The following CNTNAP2 variants were observed in gnomAD, a reference collection of about 807,000 sequenced individuals.
The protein encoded by CNTNAP2 is contactin associated protein 2, also known as contactin-associated protein-like 2.
CNTNAP2 carries 98 observed loss-of-function variants against 155.2 expected under a neutral mutation model. The ratio of observed to expected loss-of-function variants is 0.63; its 90% confidence interval spans 0.54 to 0.75. CNTNAP2 has a LOEUF of 0.75. Ranked by LOEUF, CNTNAP2 falls within the 30% of genes least tolerant of loss-of-function variation. The pLI, the probability that CNTNAP2 is intolerant of heterozygous loss-of-function variation, is 0.00. For missense variants in CNTNAP2, 1,727 were observed against 1,688.1 expected (o/e 1.02, Z -0.40); for synonymous variants, 651 against 631.2 (o/e 1.03, Z -0.47).
At chr7:146,693,500 G>A (rs1800731985) in intron 1 of CNTNAP2, among the ~76,000 whole-genome samples, 1 of 151,990 alleles carries the variant, frequency 6.6e-6, no homozygotes, top group Admixed American at 6.6e-5. Context: ...GACATTAATA[G>A]TAAAATAAGC....
intron 12 of CNTNAP2, among the ~76,000 whole-genome samples, chr7:147,626,101 G>A (rs1584864171): frequency 6.6e-6 from 1 of 152,104 alleles, no homozygotes; most frequent in Admixed American, 6.6e-5. Flanking sequence ...AGTAGTCACA[G>A]TGCAAAGGAA....
chr7:146,133,789 C>T (rs1340022816), intron 1 of CNTNAP2, among the ~76,000 whole-genome samples: 1 of 152,150 alleles, frequency 6.6e-6, no homozygotes, highest in African/African-American at 2.4e-5. Context: ...GTTTTGGTAC[C>T]AGTACCATGC....
At chr7:146,771,683 A>G (rs1252059333) in intron 1 of CNTNAP2, among the ~76,000 whole-genome samples, 1 of 152,224 alleles carries the variant, frequency 6.6e-6, no homozygotes, top group Non-Finnish European at 1.5e-5. Context: ...TATTATATGA[A>G]GACGGATTTG....
chr7:146,591,003 C>T (rs1211324673), intron 1 of CNTNAP2, among the ~76,000 whole-genome samples: 2 of 152,010 alleles, frequency 1.3e-5, no homozygotes, highest in Non-Finnish European at 2.9e-5. Context: ...CATATAAATT[C>T]AGAGTCAGGA....
At chr7:146,948,723 T>C (rs1797244194) in intron 3 of CNTNAP2, among the ~76,000 whole-genome samples, 1 of 152,336 alleles carries the variant, frequency 6.6e-6, no homozygotes. Context: ...ATTAAATACA[T>C]TCCTTGCAAT....
intron 9 of CNTNAP2, among the ~76,000 whole-genome samples, chr7:147,300,731 T>C (rs182831631): frequency 6.6e-6 from 1 of 152,304 alleles, no homozygotes; most frequent in East Asian, 1.9e-4. Context: ...GTCAAACTGT[T>C]ACTTGTGGCT....
At chr7:148,272,877 G>A (rs28715099) in intron 21 of CNTNAP2, among the ~76,000 whole-genome samples, 8,766 of 152,230 alleles carry the variant, frequency 0.058, 361 homozygotes, top group African/African-American at 0.12. Context: ...AATGTCAGAA[G>A]ACCTGGGAAT....
intron 13 of CNTNAP2, among the ~76,000 whole-genome samples, chr7:147,669,309 T>A (rs1269746525): frequency 6.6e-6 from 1 of 152,214 alleles, no homozygotes; most frequent in African/African-American, 2.4e-5. Context: ...AATACACTTA[T>A]GCCCCATAAA....
At chr7:148,077,985 T>TA (rs1803524844) in intron 15 of CNTNAP2, among the ~76,000 whole-genome samples, 1 of 152,120 alleles carries the variant, frequency 6.6e-6, no homozygotes, top group Non-Finnish European at 1.5e-5. Context: ...GATTCAACTT[T>TA]AATAGAATAT....
intron 19 of CNTNAP2, among the ~76,000 whole-genome samples, chr7:148,228,195 A>G (rs949092879): frequency 6.6e-6 from 1 of 152,188 alleles, no homozygotes; most frequent in Non-Finnish European, 1.5e-5. Context: ...TGAGATATCA[A>G]CATGAAAATT....
chr7:146,719,775 C>T (rs1048226758), intron 1 of CNTNAP2, among the ~76,000 whole-genome samples: 1 of 151,626 alleles, frequency 6.6e-6, no homozygotes, highest in African/African-American at 2.4e-5. Context: ...GAAAGGTAAC[C>T]TTTTGATTTT....
chr7:146,839,827 T>G lies in CNTNAP2; in HGVS notation c.325T>G (p.Trp109Gly). The part of the protein sequence containing the change: ...ATQGRYSSSD[W>G]VTQYRMLYSD... ...CCAAGGAAGGTATAGCAGCTCAGAT[T>G]GGGTGACCCAATACCGGATGCTCTA... The change falls in exon 3 of 24, where the codon TGG becomes GGG. Residue 109 changes from tryptophan to glycine, a missense_variant. By Grantham distance (184) the Trp-to-Gly change is radical. Transcript: ENST00000361727. 2 of 1,614,138 alleles carry G rather than the reference T, an allele frequency of 1.2e-6. No homozygotes were observed. Among genetic ancestry groups the G allele is most frequent in the Non-Finnish European group, 8.5e-7 (1 of 1,180,030 alleles).
chr7:147,641,403 C>T (rs1412262083), intron 13 of CNTNAP2, among the ~76,000 whole-genome samples: 1 of 152,078 alleles, frequency 6.6e-6, no homozygotes, highest in African/African-American at 2.4e-5. Flanking sequence ...GGACTTCATC[C>T]AGAGGGCCAG....
intron 8 of CNTNAP2, among the ~76,000 whole-genome samples, chr7:147,274,347 TG>T (rs1804843003): frequency 6.6e-6 from 1 of 152,222 alleles, no homozygotes; most frequent in African/African-American, 2.4e-5. Context: ...ATAGCCATTC[TG>T]ACTTGTATAA....
intron 1 of CNTNAP2, among the ~76,000 whole-genome samples, chr7:146,518,785 G>A (rs576458737): frequency 5.3e-5 from 8 of 151,922 alleles, no homozygotes; most frequent in African/African-American, 1.9e-4. Context: ...CATTCACTGA[G>A]TTGAGTTACA....
chr7:147,188,273 G>A (rs1802608278), intron 8 of CNTNAP2, among the ~76,000 whole-genome samples: 1 of 152,130 alleles, frequency 6.6e-6, no homozygotes, highest in East Asian at 1.9e-4. Context: ...GCAAGACCAA[G>A]GACAGCATGG....
chr7:147,198,585 A>G (rs1213478570), intron 8 of CNTNAP2, among the ~76,000 whole-genome samples: 2 of 152,294 alleles, frequency 1.3e-5, no homozygotes, highest in East Asian at 3.9e-4. Flanking sequence ...GGAAACAAAG[A>G]CAAATTGCAA....
At position 146,116,942 on chromosome 7, in the gene CNTNAP2, C is replaced by T; in HGVS notation, c.66C>T (p.Leu22=). The change falls in exon 1 of 24, where the codon CTC becomes CTT. Residue 22 remains leucine, a synonymous_variant. Coordinates refer to ENST00000361727, the MANE Select transcript of CNTNAP2 (RefSeq NM_014141.6). The surrounding 1 kb of genome is among the most constrained non-coding windows in gnomAD (Gnocchi z 5.5). ...ALLLWIVSSC[L]CRAWTAPSTS... is the part of the protein sequence containing the mutation. The stretch of plus-strand genomic sequence containing the variant: ...TGCTGTGGATTGTCAGCAGCTGCCT[C>T]TGCAGAGCCTGGACGGCTCCCTCCA... 6.4e-7 allele frequency: 1 copy of T among 1,552,098 alleles called. No individual in the cohort carries two copies. The highest frequency in any genetic ancestry group is 8.7e-7 in the Non-Finnish European group (1 of 1,147,562).
chr7:148,011,620 G>T (rs1344657822), intron 15 of CNTNAP2, among the ~76,000 whole-genome samples: 1 of 152,122 alleles, frequency 6.6e-6, no homozygotes, highest in Non-Finnish European at 1.5e-5. Context: ...TTTGTCTTAG[G>T]TTGATGTTGC....
Sources: gnomAD v4.1 joint callset for allele counts (sites outside exome capture counted in the v4.1 genomes callset) on GRCh38, gnomAD v4.1.1 for gene constraint, Gnocchi (gnomAD v3.1) non-coding constraint, MANE v1.5 for transcripts, NCBI Gene and HGNC (gene_info 2026-07-23, HGNC 2026-07-21) for gene names.